Variants in GTF2B observed in about 807,000 individuals in gnomAD.
GTF2B encodes transcription initiation factor IIB.
Under a neutral mutation model 34.6 loss-of-function variants are expected in GTF2B, and 20 were observed. The observed-to-expected ratio is 0.58, with a 90% confidence interval of 0.41 to 0.84. The LOEUF is 0.84. Among genes scored for constraint, GTF2B ranks in the 40% least tolerant of loss-of-function variants. The probability of loss-of-function intolerance (pLI) is 0.00; values close to 1 mark genes in which losing one functional copy is unlikely to be tolerated. For synonymous variants in GTF2B, 142 were observed against 132.4 expected (o/e 1.07, Z -0.50); for missense variants, 237 against 393.3 (o/e 0.60, Z 3.36).
At chr1:88,882,351 A>G (rs1034714075) in intron 2 of GTF2B, among the ~76,000 whole-genome samples, 2 of 143,488 alleles carry the variant, frequency 1.4e-5, no homozygotes, top group East Asian at 4.4e-4. Flanking sequence ...TACAGAGGTT[A>G]GGAGAGCTAA....
intron 2 of GTF2B, among the ~76,000 whole-genome samples, chr1:88,867,582 A>C (rs1186718399): frequency 1.3e-5 from 2 of 152,202 alleles, no homozygotes; most frequent in Non-Finnish European, 2.9e-5. Context: ...AATAACTTGC[A>C]ATATTTTTAT....
At chr1:88,858,401 T>A (rs1405310781) in intron 5 of GTF2B, among the ~76,000 whole-genome samples, 1 of 152,240 alleles carries the variant, frequency 6.6e-6, no homozygotes, top group Non-Finnish European at 1.5e-5. Context: ...TGTATTAATC[T>A]GTTGTAAGCA....
intron 2 of GTF2B, 62 bp downstream of exon 2, chr1:88,887,199 G>T: frequency 9.3e-7 from 1 of 1,071,636 alleles, no homozygotes; most frequent in Non-Finnish European, 1.4e-6. Flanking sequence ...AATTACAGGC[G>T]TGAGCCACCA....
At chr1:88,866,099 C>A (rs921644660) in intron 2 of GTF2B, among the ~76,000 whole-genome samples, 1 of 152,074 alleles carries the variant, frequency 6.6e-6, no homozygotes, top group Non-Finnish European at 1.5e-5. Flanking sequence ...TGGTGGTTCA[C>A]ACCTGTAATC....
intron 2 of GTF2B, among the ~76,000 whole-genome samples, chr1:88,876,327 A>AT (rs1379352792): frequency 6.6e-6 from 1 of 152,166 alleles, no homozygotes; most frequent in Admixed American, 6.5e-5. Flanking sequence ...CTGACATGCT[A>AT]TGAAATGTGG....
intron 5 of GTF2B, among the ~76,000 whole-genome samples, chr1:88,859,322 CT>C (rs1673386376): frequency 6.6e-6 from 1 of 152,176 alleles, no homozygotes; most frequent in African/African-American, 2.4e-5. Flanking sequence ...ATCAAAAGAT[CT>C]CACTAGAAAA....
chr1:88,887,134 G>A, intron 2 of GTF2B, 127 bp downstream of exon 2: 1 of 589,758 alleles, frequency 1.7e-6, no homozygotes, highest in South Asian at 1.9e-5. Flanking sequence ...GGTCAGGCTG[G>A]TCTCGAACTC....
chr1:88,869,446 T>A (rs1673637198), intron 2 of GTF2B, among the ~76,000 whole-genome samples: 1 of 152,142 alleles, frequency 6.6e-6, no homozygotes. Flanking sequence ...AACAAATATA[T>A]CTCAAAACTT....
At chr1:88,857,602 T>C in intron 5 of GTF2B, 115 bp from the exon 6 acceptor site, 2 of 597,996 alleles carry the variant, frequency 3.3e-6, no homozygotes, top group Non-Finnish European at 5.8e-6. Context: ...CATTCAATCA[T>C]ACCTTAAAGA....
At chr1:88,853,399 C>T (rs60992421) in intron 6 of GTF2B, 53 bp from the exon 7 acceptor site, 53,485 of 1,502,242 alleles carry the variant, frequency 0.036, 4,139 homozygotes, top group African/African-American at 0.31. Flanking sequence ...ACCTCCTTTC[C>T]ACTACCTGCA....
chr1:88,876,037 G>T (rs1673810194), intron 2 of GTF2B, among the ~76,000 whole-genome samples: 1 of 139,916 alleles, frequency 7.1e-6, no homozygotes, highest in South Asian at 2.5e-4. Context: ...GTAATTTTTT[G>T]ATGTTTAAGA....
intron 6 of GTF2B, among the ~76,000 whole-genome samples, chr1:88,854,706 G>A (rs960969172): frequency 2.0e-5 from 3 of 152,146 alleles, no homozygotes; most frequent in African/African-American, 7.2e-5. Context: ...ATGCTGCCCA[G>A]GCTGGTCTCA....
At chr1:88,867,500 A>G (rs561500032) in intron 2 of GTF2B, among the ~76,000 whole-genome samples, 11 of 152,188 alleles carry the variant, frequency 7.2e-5, no homozygotes, top group Non-Finnish European at 1.6e-4. Context: ...ACATGCATAG[A>G]ACAAAAATAA....
rs1260264417 is a variant in GTF2B at position 88,889,597 on chromosome 1, TG to T, written c.17+1885del. Among the ~76,000 whole-genome samples the T allele has an allele frequency of 2.6e-5, 4 of 152,384 alleles. No homozygotes were observed. In the East Asian group the frequency reaches 7.7e-4, roughly 29 times the overall value. On this transcript the variant is annotated intron_variant, in intron 1 of 6. Transcript: ENST00000370500. Reference sequence around the variant, plus strand: ...TCAGAGAATGATTTGCCTGAAGTCATGGAACTAATAAGTGGCGGAGCTTACA... The same window carrying T: ...TCAGAGAATGATTTGCCTGAAGTCATGAACTAATAAGTGGCGGAGCTTACA...
intron 5 of GTF2B, chr1:88,858,867 C>CT (rs577030619): frequency 0.017 from 2,278 of 137,050 alleles, 26 homozygotes; most frequent in African/African-American, 0.033. Flanking sequence ...TAACTGATAA[C>CT]TTTTTTTTTT....
At position 88,857,196 on chromosome 1, in the gene GTF2B, C is replaced by T. The variant is rs768455705; in HGVS notation, c.817+10G>A. ...AGTTTACTGCCACACTTCCTGATGA[C>T]GAACCCTACCTTTTTGGGTCCTCTT... On this transcript the variant is annotated intron_variant, in intron 6 of 6. Coordinates refer to ENST00000370500, the MANE Select transcript of GTF2B (RefSeq NM_001514.6). 28 of 1,597,030 alleles carry T rather than the reference C, an allele frequency of 1.8e-5. No homozygotes were observed. Among genetic ancestry groups the T allele is most frequent in the Admixed American group, 7.1e-5 (4 of 56,354 alleles).
At position 88,859,986 on chromosome 1, in the gene GTF2B, T is replaced by C. The variant is rs1484694065; in HGVS notation, c.431A>G (p.Gln144Arg). Residue 144 changes from glutamine (Q) to arginine (R), a missense_variant, in exon 5 of 7, where the codon CAA becomes CGA. Gln to Arg is a conservative substitution (Grantham distance 43, BLOSUM62 1). Around this residue, in one of 3 missense-constraint regions of GTF2B, gnomAD observed 29 missense variants for 105.8 expected, o/e 0.27. Coordinates refer to ENST00000370500, the MANE Select transcript of GTF2B (RefSeq NM_001514.6). ...IVDRTNNLFK[Q>R]VYEQKSLKGR... ...CTTCAGGCTCTTCTGTTCATATACTTGCTTGAATAAATTATTTGTTCGATC... is the reference window on the plus strand; with the variant it reads ...CTTCAGGCTCTTCTGTTCATATACTCGCTTGAATAAATTATTTGTTCGATC... The C allele has an allele frequency of 6.2e-7, 1 of 1,613,796 alleles. No individual in the cohort carries two copies. The highest frequency in any genetic ancestry group is 8.5e-7 in the Non-Finnish European group (1 of 1,179,684).
At chr1:88,887,875 T>C (rs1674113101) in intron 1 of GTF2B, 1 of 152,660 alleles carries the variant, frequency 6.6e-6, no homozygotes, top group Non-Finnish European at 1.5e-5. Flanking sequence ...TCTGCTGAAC[T>C]TAAGACTTGA....
chr1:88,865,863 A>T (rs142463800), intron 2 of GTF2B, among the ~76,000 whole-genome samples: 1 of 148,488 alleles, frequency 6.7e-6, no homozygotes, highest in East Asian at 1.9e-4. Context: ...AAACAAAACA[A>T]ACAAACAAAC....
Sources: gnomAD v4.1 joint callset for allele counts (sites outside exome capture counted in the v4.1 genomes callset) on GRCh38, gnomAD v4.1.1 for gene constraint, gnomAD v4.1.1 regional missense constraint, MANE v1.5 for transcripts, NCBI Gene and HGNC (gene_info 2026-07-23, HGNC 2026-07-21) for gene names.